RPP30: variants seen among roughly 807,000 people sequenced by gnomAD.
The protein encoded by RPP30 is ribonuclease P/MRP subunit p30, also known as ribonuclease P protein subunit p30.
RPP30 carries 36 observed loss-of-function variants against 38.6 expected under a neutral mutation model. The observed-to-expected ratio is 0.93, with a 90% CI of 0.71 to 1.23. The LOEUF is 1.23. Among genes scored for constraint, RPP30 ranks in the 50% most tolerant of loss-of-function variants. RPP30 has a pLI of 0.00. For missense variants in RPP30, 321 were observed against 321.7 expected (o/e 1.00, Z 0.02); for synonymous variants, 126 against 112.7 (o/e 1.12, Z -0.75).
At chr10:90,889,167 A>C (rs1033955699) in intron 6 of RPP30, among the ~76,000 whole-genome samples, 16 of 152,158 alleles carry the variant, frequency 1.1e-4, no homozygotes, top group Admixed American at 3.9e-4. Flanking sequence ...CTGTTTGTCT[A>C]CATAAAGTAT....
At chr10:90,889,455 A>G (rs1847046079) in intron 6 of RPP30, among the ~76,000 whole-genome samples, 1 of 151,498 alleles carries the variant, frequency 6.6e-6, no homozygotes, top group Admixed American at 6.6e-5. Context: ...GATTACAGAC[A>G]TCCGCCACCA....
intron 6 of RPP30, among the ~76,000 whole-genome samples, chr10:90,891,333 T>A (rs1405051830): frequency 2.0e-5 from 3 of 152,224 alleles, no homozygotes; most frequent in African/African-American, 7.2e-5. Context: ...TTTGTCTCTA[T>A]GTCTTCACAT....
Position 90,879,053 on chromosome 10 carries a change from G to T in RPP30, c.271-10G>T. 6.2e-7 allele frequency: 1 copy of T among 1,611,060 alleles called. No individual in the cohort carries two copies. Among genetic ancestry groups the T allele is most frequent in the Admixed American group, 1.7e-5 (1 of 59,584 alleles). On this transcript the variant is annotated splice_polypyrimidine_tract_variant and intron_variant, in intron 4 of 10. Transcript: ENST00000371703. ...GTTATTGTATGATAACATTCTTTTT[G>T]TATTCCTAGAGAGCAACTTCTTCAA... is the stretch of plus-strand genomic sequence containing the variant.
chr10:90,897,206 T>C (rs1359393654), intron 10 of RPP30, among the ~76,000 whole-genome samples: 1 of 152,254 alleles, frequency 6.6e-6, no homozygotes, highest in African/African-American at 2.4e-5. Context: ...GATCACTGTT[T>C]TGTCTTCGTT....
rs1467508476 is a variant in RPP30, at chr10:90,873,068, C to T, written c.82+1000C>T. Among the ~76,000 whole-genome samples, 4 of 152,282 alleles carry T rather than the reference C, an allele frequency of 2.6e-5. No homozygotes were observed. The South Asian group carries it at 6.2e-4, about 24-fold the overall frequency. ...TATTACCTCCTCAATGAGGCTTTTCCTGACGCCATCCCATTTTTGAATAAA... is the reference window on the plus strand; with the variant it reads ...TATTACCTCCTCAATGAGGCTTTTCTTGACGCCATCCCATTTTTGAATAAA... On this transcript the variant is annotated intron_variant, in intron 1 of 10. Coordinates refer to ENST00000371703, the MANE Select transcript of RPP30 (RefSeq NM_006413.5).
chr10:90,902,286 C>T (rs146506409), downstream of RPP30: 1,461 of 419,836 alleles, frequency 3.5e-3, 4 homozygotes, highest in Non-Finnish European at 4.9e-3. Context: ...GGCACAATCT[C>T]GGCTCACTGC....
intron 1 of RPP30, among the ~76,000 whole-genome samples, chr10:90,873,234 A>G (rs532042499): frequency 4.6e-5 from 7 of 152,352 alleles, no homozygotes; most frequent in Admixed American, 1.3e-4. Flanking sequence ...AAATTAATAC[A>G]AAAAAGAAAA....
chr10:90,886,227 G>A (rs1589497673), intron 6 of RPP30, among the ~76,000 whole-genome samples: 1 of 152,160 alleles, frequency 6.6e-6, no homozygotes, highest in Middle Eastern at 3.4e-3. Context: ...AGTCAAAAAA[G>A]AAGAGGAAGG....
At chr10:90,900,524 T>G (rs1190324433) in intron 10 of RPP30, 46 bp from the exon 11 acceptor site, 3 of 1,568,982 alleles carry the variant, frequency 1.9e-6, no homozygotes, top group Non-Finnish European at 1.7e-6. Context: ...TCATTTTAAA[T>G]TATGTCTTAA....
chr10:90,875,464 G>A (rs901099655), intron 2 of RPP30, 94 bp from the exon 3 acceptor site: 12 of 887,470 alleles, frequency 1.4e-5, no homozygotes, highest in African/African-American at 3.4e-5. Flanking sequence ...TAAAAAAAAT[G>A]CATATTTTTT....
At position 90,901,503 on chromosome 10, in the gene RPP30, C is replaced by T. The variant is rs1318434038; in HGVS notation, c.*824C>T. 8.1e-6 allele frequency: 8 copies of T among 985,134 alleles called. No individual in the cohort carries two copies. Among genetic ancestry groups the T allele is most frequent in the Non-Finnish European group, 9.6e-6 (8 of 829,752 alleles). The allele number at this position is 985,134 out of a possible 1,614,324, so 61.0% of individuals were successfully genotyped here. ...ATGTAAAATTACATCTGGTCTCTTC[C>T]TTCACTGCTTCATGCCTACGTAAGG... is the stretch of plus-strand genomic sequence containing the variant. On this transcript the variant is annotated 3_prime_UTR_variant, in exon 11 of 11. Transcript: ENST00000371703.
intron 1 of RPP30, among the ~76,000 whole-genome samples, chr10:90,873,730 AAAG>A (rs1398829651): frequency 6.6e-6 from 1 of 152,132 alleles, no homozygotes; most frequent in Non-Finnish European, 1.5e-5. Context: ...GGAGTGTGGT[AAAG>A]AAGAATAGGG....
chr10:90,877,612 C>G (rs945766519), intron 4 of RPP30, among the ~76,000 whole-genome samples: 2 of 149,666 alleles, frequency 1.3e-5, no homozygotes, highest in Non-Finnish European at 3.0e-5. Flanking sequence ...TGTGGTCAAG[C>G]AGACAGGCAA....
chr10:90,872,520 A>C (rs895904933), intron 1 of RPP30, among the ~76,000 whole-genome samples: 1 of 152,102 alleles, frequency 6.6e-6, no homozygotes, highest in Non-Finnish European at 1.5e-5. Flanking sequence ...GAACAATACT[A>C]TCTAGACAGA....
In RPP30 at chr10:90,902,053, T is replaced by A; in HGVS notation, c.*1374T>A. ...ACCTCATATTCCACCCGCCTCGGCC[T>A]CCCAAAGTGCTGGGATTACAGGCGT... On this transcript the variant is annotated 3_prime_UTR_variant, in exon 11 of 11. Coordinates refer to ENST00000371703, the MANE Select transcript of RPP30 (RefSeq NM_006413.5). 1 of 834,250 alleles carries A rather than the reference T, an allele frequency of 1.2e-6. No homozygotes were observed. The highest frequency in any genetic ancestry group is 1.4e-6 in the Non-Finnish European group (1 of 691,422). 51.7% of individuals were successfully genotyped at this position (834,250 alleles called of 1,614,324 possible).
intron 10 of RPP30, among the ~76,000 whole-genome samples, chr10:90,898,049 A>G (rs1252701750): frequency 1.3e-5 from 2 of 152,030 alleles, no homozygotes; most frequent in Non-Finnish European, 2.9e-5. Context: ...TTTTGTACCC[A>G]TTAACCATCT....
chr10:90,887,906 A>C (rs1462598317), intron 6 of RPP30, among the ~76,000 whole-genome samples: 1 of 151,962 alleles, frequency 6.6e-6, no homozygotes, highest in Non-Finnish European at 1.5e-5. Flanking sequence ...GTAGTCACAC[A>C]GGGTTAGGAA....
At chr10:90,882,329 G>A (rs1052743614) in intron 5 of RPP30, among the ~76,000 whole-genome samples, 3 of 152,142 alleles carry the variant, frequency 2.0e-5, no homozygotes, top group African/African-American at 7.2e-5. Flanking sequence ...CATTATACCA[G>A]TGTGCCTTAT....
intron 6 of RPP30, among the ~76,000 whole-genome samples, chr10:90,893,575 GC>G (rs1249367230): frequency 6.6e-6 from 1 of 152,134 alleles, no homozygotes; most frequent in East Asian, 1.9e-4. Context: ...TGCACAGTTG[GC>G]CCTTCCCATC....
Sources: allele counts gnomAD v4.1 joint callset (sites outside exome capture counted in the v4.1 genomes callset), GRCh38; gene constraint gnomAD v4.1.1; transcripts MANE v1.5; gene names NCBI Gene and HGNC (gene_info 2026-07-23, HGNC 2026-07-21).